Variants in COL19A1 observed in about 807,000 individuals in gnomAD.
COL19A1 encodes the protein collagen alpha-1(XIX) chain.
In COL19A1, 159 loss-of-function variants were observed where a neutral mutation model predicts 190.2. That is an observed-to-expected ratio of 0.84 (90% confidence interval 0.73 to 0.95). COL19A1 has a LOEUF of 0.95. Among genes scored for constraint, COL19A1 ranks in the 40% least tolerant of loss-of-function variants. The probability of loss-of-function intolerance (pLI) is 0.00; values close to 1 mark genes in which losing one functional copy is unlikely to be tolerated. For synonymous variants in COL19A1, 509 were observed against 458.9 expected (o/e 1.11, Z -1.39); for missense variants, 1,418 against 1,431.9 (o/e 0.99, Z 0.16).
intron 4 of COL19A1, among the ~76,000 whole-genome samples, chr6:69,907,109 T>TATTG (rs199920058): frequency 9.3e-6 from 1 of 107,936 alleles, no homozygotes; most frequent in African/African-American, 3.4e-5. Context: ...TTATTATTAT[T>TATTG]TTTTTTTTTT....
chr6:70,069,597 A>G (rs1467908123), intron 15 of COL19A1, among the ~76,000 whole-genome samples: 3 of 152,158 alleles, frequency 2.0e-5, no homozygotes, highest in African/African-American at 7.2e-5. Flanking sequence ...AGTACGCCCC[A>G]TACCACAGAC....
intron 11 of COL19A1, among the ~76,000 whole-genome samples, chr6:70,008,202 T>G (rs1216759995): frequency 6.7e-6 from 1 of 150,096 alleles, no homozygotes; most frequent in Non-Finnish European, 1.5e-5. Context: ...AAAATAAAAA[T>G]GGGAAAAAAA....
At chr6:70,054,866 A>T (rs959299736) in intron 14 of COL19A1, among the ~76,000 whole-genome samples, 1 of 152,196 alleles carries the variant, frequency 6.6e-6, no homozygotes, top group Non-Finnish European at 1.5e-5. Flanking sequence ...ATAATTAAGC[A>T]TAACTTTTAA....
chr6:70,100,968 C>T (rs1783591152), intron 15 of COL19A1, among the ~76,000 whole-genome samples: 2 of 152,094 alleles, frequency 1.3e-5, no homozygotes, highest in South Asian at 4.1e-4. Context: ...ACTTACTCTA[C>T]TGTTTCAACT....
chr6:70,059,627 G>T (rs755063115), intron 14 of COL19A1: 2 of 274,532 alleles, frequency 7.3e-6, no homozygotes, highest in Non-Finnish European at 1.5e-5. Flanking sequence ...ACTATTTTTT[G>T]CTTATTTTTA....
At chr6:69,877,026 G>A (rs1768170710) in intron 1 of COL19A1, among the ~76,000 whole-genome samples, 1 of 152,142 alleles carries the variant, frequency 6.6e-6, no homozygotes, top group African/African-American at 2.4e-5. Flanking sequence ...AGGGTATTTG[G>A]CACACACAGA....
chr6:70,157,073 AAGGAATAGT>A (rs1787485866), intron 34 of COL19A1, among the ~76,000 whole-genome samples: 1 of 152,134 alleles, frequency 6.6e-6, no homozygotes, highest in Admixed American at 6.6e-5. Context: ...AAGAGATTTA[AAGGAATAGT>A]AGTTGGACAA....
intron 14 of COL19A1, among the ~76,000 whole-genome samples, chr6:70,039,418 C>T (rs931686419): frequency 6.6e-6 from 1 of 152,190 alleles, no homozygotes; most frequent in African/African-American, 2.4e-5. Context: ...CAATTTGCTT[C>T]CTGATTACTT....
Position 70,168,697 on chromosome 6 carries a change from T to A in COL19A1, c.2568+16T>A. 8 of 1,612,542 alleles carry A rather than the reference T, an allele frequency of 5.0e-6. No individual in the cohort carries two copies. The highest frequency in any genetic ancestry group is 5.9e-6 in the Non-Finnish European group (7 of 1,179,274). ...TGGCCCAGTGGTATGAATGTTCCCA[T>A]GTTTTGTGTCATTTAGAATATTGGT... On this transcript the variant is annotated intron_variant, in intron 40 of 50. Transcript: ENST00000620364.
At chr6:70,162,839 T>G (rs894065862) in intron 35 of COL19A1, among the ~76,000 whole-genome samples, 2 of 152,140 alleles carry the variant, frequency 1.3e-5, no homozygotes, top group South Asian at 2.1e-4. Context: ...TCACTAAAAT[T>G]AAAAACGATG....
chr6:70,038,489 A>G (rs1779470779), intron 14 of COL19A1, among the ~76,000 whole-genome samples: 1 of 152,228 alleles, frequency 6.6e-6, no homozygotes, highest in Non-Finnish European at 1.5e-5. Context: ...AACTTAATAC[A>G]TAGCGATAAA....
rs538855262 is a variant in COL19A1 at position 70,211,287 on chromosome 6, G to A, written c.*4013G>A. On this transcript the variant is annotated 3_prime_UTR_variant, in exon 51 of 51. Transcript: ENST00000620364. ...TAATACACTGGGATTGAGAATTTCT[G>A]TTAAGTGTTTTGCTGACGTTGTTTT... Among the ~76,000 whole-genome samples the A allele has an allele frequency of 1.8e-4, 27 of 152,048 alleles. No homozygotes were observed. In the South Asian group the frequency reaches 3.1e-3, roughly 18 times the overall value.
intron 47 of COL19A1, among the ~76,000 whole-genome samples, chr6:70,188,616 C>T (rs142839698): frequency 4.6e-5 from 7 of 152,342 alleles, no homozygotes; most frequent in African/African-American, 1.7e-4. Flanking sequence ...TCTCCTTACA[C>T]TACACAGAAA....
chr6:69,884,977 C>T (rs1446430666), intron 2 of COL19A1, among the ~76,000 whole-genome samples: 1 of 152,064 alleles, frequency 6.6e-6, no homozygotes, highest in Admixed American at 6.6e-5. Flanking sequence ...ATTCTCCTGC[C>T]TCAGCCTCCC....
At chr6:70,005,227 C>A (rs1422727974) in intron 11 of COL19A1, among the ~76,000 whole-genome samples, 1 of 152,114 alleles carries the variant, frequency 6.6e-6, no homozygotes, top group African/African-American at 2.4e-5. Context: ...GGAGAAGAGA[C>A]ACTCTGGCCT....
At chr6:70,193,102 A>G (rs74986616) in intron 48 of COL19A1, among the ~76,000 whole-genome samples, 1 of 75,396 alleles carries the variant, frequency 1.3e-5, no homozygotes. Context: ...GCATTTTCAG[A>G]AAAAAAAAAA....
intron 9 of COL19A1, among the ~76,000 whole-genome samples, chr6:69,951,569 A>G (rs1468110891): frequency 6.6e-6 from 1 of 151,912 alleles, no homozygotes; most frequent in Admixed American, 6.6e-5. Context: ...ATCTTATGTA[A>G]CCTTGACCTC....
In COL19A1 at chr6:70,207,226, T is replaced by C. The variant is rs757856080; in HGVS notation, c.3381T>C (p.Asp1127=). Residue 1127 remains aspartate, a synonymous_variant, in exon 51 of 51, where the codon GAT becomes GAC. Coordinates refer to ENST00000620364, the MANE Select transcript of COL19A1 (RefSeq NM_001858.6). The part of the protein sequence containing the change: ...PGPSGRCNPE[D]CLYPVSHAHQ... ...CCAGTGGAAGATGTAACCCAGAAGA[T>C]TGCCTCTATCCTGTGTCTCATGCCC... 3 of 1,614,062 alleles carry C rather than the reference T, an allele frequency of 1.9e-6. No homozygotes were observed. In the East Asian group the frequency reaches 6.7e-5, roughly 36 times the overall value.
chr6:69,928,783 C>G (rs542864520), intron 5 of COL19A1, among the ~76,000 whole-genome samples: 3 of 152,248 alleles, frequency 2.0e-5, no homozygotes, highest in South Asian at 4.2e-4. Flanking sequence ...AGAGGAACCT[C>G]AAAATTACTT....
Sources: gnomAD v4.1 joint callset for allele counts (sites outside exome capture counted in the v4.1 genomes callset) on GRCh38, gnomAD v4.1.1 for gene constraint, MANE v1.5 for transcripts, NCBI Gene and HGNC (gene_info 2026-07-23, HGNC 2026-07-21) for gene names.